The following ZBTB41 variants were observed in gnomAD, a reference collection of about 807,000 sequenced individuals.
The protein encoded by ZBTB41 is zinc finger and BTB domain-containing protein 41.
In ZBTB41, 42 loss-of-function variants were observed where a neutral mutation model predicts 87.6. The ratio of observed to expected loss-of-function variants is 0.48; its 90% CI spans 0.37 to 0.62. The LOEUF (loss-of-function observed/expected upper bound fraction) is 0.62, where lower values mean the gene tolerates loss of function less well. Among genes scored for constraint, ZBTB41 ranks in the 20% least tolerant of loss-of-function variants. The pLI is 0.00. For missense variants in ZBTB41, 799 were observed against 1,078.9 expected, an observed-to-expected ratio of 0.74 and a Z score of 3.63; for synonymous variants, 364 against 364.0, an observed-to-expected ratio of 1.00 and a Z score of 0.00.
In ZBTB41 at chr1:197,173,981, G is replaced by T. The variant is rs199797582; in HGVS notation, c.1985+1029C>A. Among the ~76,000 whole-genome samples the T allele has an allele frequency of 2.6e-5, 4 of 152,174 alleles. No homozygotes were observed. In the East Asian group the frequency reaches 5.8e-4, roughly 22 times the overall value. On this transcript the variant is annotated intron_variant, in intron 9 of 10. Transcript: ENST00000367405. ...ACAATACACAAGAAAAGAATTACTTGGTCCAAAATGTCAACAGTGTTTGGG... is the reference window on the plus strand; with the variant it reads ...ACAATACACAAGAAAAGAATTACTTTGTCCAAAATGTCAACAGTGTTTGGG...
In ZBTB41 at chr1:197,164,793, A is replaced by G. The variant is rs186226792; in HGVS notation, c.2075-4779T>C. ...ATATCTAATATATTATATATAATAC[A>G]TATATAATATATTATATATATTATA... On this transcript the variant is annotated intron_variant, in intron 10 of 10. Transcript: ENST00000367405. 3.7e-4 allele frequency among the ~76,000 whole-genome samples: 17 copies of G among 45,912 alleles called. 1 individual carries two copies. Among genetic ancestry groups the G allele is most frequent in the East Asian group, 1.3e-3 (2 of 1,556 alleles). The allele number at this position is 45,912 out of a possible 152,430, so 30.1% of individuals were successfully genotyped here. A position where few individuals can be genotyped will look rare whatever the true frequency, so the allele number is the denominator to read the frequency against.
chr1:197,180,926 T>C (rs1659730149), intron 6 of ZBTB41, 62 bp downstream of exon 6: 1 of 1,509,288 alleles, frequency 6.6e-7, no homozygotes, highest in Non-Finnish European at 8.8e-7. Flanking sequence ...ATAAATCATA[T>C]TGATTGATTA....
chr1:197,180,644 T>C (rs1434033175), intron 6 of ZBTB41, among the ~76,000 whole-genome samples: 1 of 152,120 alleles, frequency 6.6e-6, no homozygotes, highest in African/African-American at 2.4e-5. Flanking sequence ...GATCCATCTG[T>C]TTTATAGCTT....
chr1:197,164,972 A>G (rs1314873623), intron 10 of ZBTB41, among the ~76,000 whole-genome samples: 4 of 104,046 alleles, frequency 3.8e-5, no homozygotes, highest in Non-Finnish European at 8.4e-5. Flanking sequence ...TATATTATAT[A>G]TATTATATAT....
Position 197,159,710 on chromosome 1 carries a change from C to A in ZBTB41, c.2379G>T (p.Ser793=), listed in dbSNP as rs773598991. The A allele has an allele frequency of 6.2e-7, 1 of 1,613,822 alleles. No individual in the cohort carries two copies. The highest frequency in any genetic ancestry group is 8.5e-7 in the Non-Finnish European group (1 of 1,179,908). Residue 793 remains serine (S), a synonymous_variant, in exon 11 of 11, where the codon TCG becomes TCT. Transcript: ENST00000367405. ...QYMDQPKVYQ[S]EAKTMLQNVS... ...CATTCTGTAACATCGTCTTGGCTTC[C>A]GACTGATAAACTTTGGGCTGGTCCA...
chr1:197,195,572 A>G (rs1660142883), intron 2 of ZBTB41, among the ~76,000 whole-genome samples: 4 of 152,218 alleles, frequency 2.6e-5, no homozygotes, highest in Admixed American at 6.5e-5. Flanking sequence ...ACTAAGTGGA[A>G]TATCTGCACG....
rs377612425 is a variant in ZBTB41 at position 197,200,079 on chromosome 1, G to C, written c.395C>G (p.Thr132Arg). ...STDVVTLDHV[T>R]HSVFQHLLEF... ...AAGCAAATGCTGAAAAACTGAATGTGTTACGTGATCCAGGGTGACAACATC... is the reference window on the plus strand; with the variant it reads ...AAGCAAATGCTGAAAAACTGAATGTCTTACGTGATCCAGGGTGACAACATC... Residue 132 changes from threonine (T) to arginine (R), a missense_variant, in exon 2 of 11, where the codon ACA becomes AGA. Physicochemically the swap from Thr to Arg is moderately conservative, Grantham distance 71. Coordinates refer to ENST00000367405, the MANE Select transcript of ZBTB41 (RefSeq NM_194314.3). 2 of 1,613,332 alleles carry C rather than the reference G, an allele frequency of 1.2e-6. No homozygotes were observed. Among genetic ancestry groups the C allele is most frequent in the Non-Finnish European group, 1.7e-6 (2 of 1,179,902 alleles).
At chr1:197,186,684 A>G (rs1659892648) in intron 5 of ZBTB41, among the ~76,000 whole-genome samples, 1 of 152,146 alleles carries the variant, frequency 6.6e-6, no homozygotes, top group East Asian at 1.9e-4. Context: ...TAACCTGGTG[A>G]AACCCCATCT....
chr1:197,199,964 T>G lies in ZBTB41; in HGVS notation c.510A>C (p.Ala170=). 6.2e-7 allele frequency: 1 copy of G among 1,613,530 alleles called. No homozygotes were observed. The part of the protein sequence containing the change: ...EAAKFLDIID[A]VKLLNNENVA... ...CATTTTCGTTATTTAACAACTTCAC[T>G]GCATCTATAATGTCCAAAAATTTTG... Residue 170 remains alanine (A), a synonymous_variant, in exon 2 of 11, where the codon GCA becomes GCC. Transcript: ENST00000367405.
At chr1:197,176,416 A>G (rs1023889505) in intron 8 of ZBTB41, 148 bp downstream of exon 8, 6 of 567,242 alleles carry the variant, frequency 1.1e-5, no homozygotes, top group Non-Finnish European at 1.5e-5. Flanking sequence ...TGCTTTTTAA[A>G]AAATGTTTTC....
chr1:197,164,425 C>CAT (rs200816208), intron 10 of ZBTB41, among the ~76,000 whole-genome samples: 2,083 of 151,466 alleles, frequency 0.014, 42 homozygotes, highest in African/African-American at 0.048. Context: ...TGAGAAATCA[C>CAT]ATAATTTAAA....
At chr1:197,172,339 T>TAATGAA in intron 9 of ZBTB41, 91 bp from the exon 10 acceptor site, 2 of 331,988 alleles carry the variant, frequency 6.0e-6, no homozygotes, top group Non-Finnish European at 1.0e-5. Context: ...ATAACTAACA[T>TAATGAA]AATGAAAATA....
intron 10 of ZBTB41, among the ~76,000 whole-genome samples, chr1:197,167,226 C>T (rs1224272832): frequency 6.6e-6 from 1 of 152,130 alleles, no homozygotes; most frequent in African/African-American, 2.4e-5. Flanking sequence ...GACAAGTTCT[C>T]ACTCCATCAC....
At chr1:197,163,395 A>G (rs1247386914) in intron 10 of ZBTB41, among the ~76,000 whole-genome samples, 2 of 152,150 alleles carry the variant, frequency 1.3e-5, no homozygotes, top group African/African-American at 4.8e-5. Context: ...AATATGATTA[A>G]TATGTACAGG....
rs1182771856 is a variant in ZBTB41, at chr1:197,156,435, C to T, written c.*2924G>A. 6.6e-6 allele frequency: 1 copy of T among 152,024 alleles called. No individual in the cohort carries two copies. Among genetic ancestry groups the T allele is most frequent in the Non-Finnish European group, 1.5e-5 (1 of 67,674 alleles). 9.4% of individuals were successfully genotyped at this position (152,024 alleles called of 1,614,324 possible). A position where few individuals can be genotyped will look rare whatever the true frequency, so the allele number is the denominator to read the frequency against. ...TATCTGCTAAAAAATTAATTTAAAA[C>T]AATAAATTATGCTCACAAAATAAAA... On this transcript the variant is annotated 3_prime_UTR_variant, in exon 11 of 11. Transcript: ENST00000367405.
Position 197,199,444 on chromosome 1 carries a change from C to A in ZBTB41, c.1030G>T (p.Val344Phe). The A allele has an allele frequency of 6.2e-7, 1 of 1,612,454 alleles. No homozygotes were observed. Among genetic ancestry groups the A allele is most frequent in the East Asian group, 2.2e-5 (1 of 44,870 alleles). ...ACCACTGGAGTTAACCCCTCATGAA[C>A]ATTTCCTACAGAATCACCAGCCTCA... ...EPEAGDSVGN[V>F]HEGLTPVVIQ... The change falls in exon 2 of 11, where the codon GTT (valine) becomes TTT (phenylalanine). Residue 344 changes from valine to phenylalanine, a missense_variant. Val to Phe is a conservative substitution (Grantham distance 50). Transcript: ENST00000367405.
chr1:197,185,157 T>G (rs1316857955), intron 5 of ZBTB41, among the ~76,000 whole-genome samples: 1 of 152,222 alleles, frequency 6.6e-6, no homozygotes, highest in African/African-American at 2.4e-5. Flanking sequence ...TAATTTGTTT[T>G]GACCTATTGT....
Position 197,199,339 on chromosome 1 carries a change from G to A in ZBTB41, c.1120+15C>T, listed in dbSNP as rs1235006437. The A allele has an allele frequency of 6.8e-7, 1 of 1,473,358 alleles. No homozygotes were observed. The allele number at this position is 1,473,358 out of a possible 1,614,324, so 91.3% of individuals were successfully genotyped here. ...GTAAGTGATTAGAGATAGAAAACCA[G>A]TTTTCTTTTCTTACCTATTCGGTCA... On this transcript the variant is annotated intron_variant, in intron 2 of 10. Coordinates refer to ENST00000367405, the MANE Select transcript of ZBTB41 (RefSeq NM_194314.3).
Position 197,189,521 on chromosome 1 carries a change from G to A in ZBTB41, c.1399-1082C>T, listed in dbSNP as rs539572929. Among the ~76,000 whole-genome samples the A allele has an allele frequency of 2.4e-3, 348 of 147,182 alleles. 3 individuals carry two copies. The highest frequency in any genetic ancestry group is 0.021 in the South Asian group (99 of 4,688). ...AGCCTGGGTGACAAAGCGAGACTCC[G>A]TCTCAAAAAAAAAAAAAAATTAATG... is the stretch of plus-strand genomic sequence containing the variant. On this transcript the variant is annotated intron_variant, in intron 4 of 10. Coordinates refer to ENST00000367405, the MANE Select transcript of ZBTB41 (RefSeq NM_194314.3).
Sources: allele counts gnomAD v4.1 joint callset (sites outside exome capture counted in the v4.1 genomes callset), GRCh38; gene constraint gnomAD v4.1.1; transcripts MANE v1.5; gene names NCBI Gene and HGNC (gene_info 2026-07-23, HGNC 2026-07-21).